Variants in MGAT4C observed in about 807,000 individuals in gnomAD.
MGAT4C encodes the protein MGAT4 family member C.
In MGAT4C, 19 loss-of-function variants were observed where a neutral mutation model predicts 40.1. The ratio of observed to expected loss-of-function variants is 0.47; its 90% CI spans 0.33 to 0.70. The LOEUF (loss-of-function observed/expected upper bound fraction) is 0.70. MGAT4C is among the 30% of genes least tolerant of loss of function. MGAT4C has a pLI of 0.02. For missense variants in MGAT4C, 491 were observed against 563.2 expected (o/e 0.87, Z 1.30); for synonymous variants, 181 against 187.1 (o/e 0.97, Z 0.27).
chr12:86,311,373 G>A (rs1040068075), intron 4 of MGAT4C, among the ~76,000 whole-genome samples: 5 of 152,150 alleles, frequency 3.3e-5, no homozygotes, highest in African/African-American at 1.2e-4. Context: ...ATAATCTTAC[G>A]GGGTCACCGG....
In MGAT4C at chr12:85,977,798, ACAC is replaced by A. The variant is rs1286971124; in HGVS notation, c.*1488_*1490del. ...CTAGCCTTCACACACACACACACAC[ACAC>A]ACACACACACACACACACACACACA... On this transcript the variant is annotated 3_prime_UTR_variant, in exon 5 of 5. Coordinates refer to ENST00000611864, the MANE Select transcript of MGAT4C (RefSeq NM_001351288.2). The A allele has an allele frequency of 4.2e-5, 5 of 120,008 alleles. No homozygotes were observed. The East Asian group carries it at 9.8e-4, about 24-fold the overall frequency. 7.4% of individuals were successfully genotyped at this position (120,008 alleles called of 1,614,324 possible).
chr12:86,312,449 C>CA (rs1422609678), intron 4 of MGAT4C, among the ~76,000 whole-genome samples: 3 of 152,194 alleles, frequency 2.0e-5, no homozygotes, highest in Non-Finnish European at 4.4e-5. Flanking sequence ...GTGATGTACT[C>CA]AGACAGATCA....
At chr12:86,672,455 G>T (rs2136565283) in intron 2 of MGAT4C, among the ~76,000 whole-genome samples, 1 of 151,992 alleles carries the variant, frequency 6.6e-6, no homozygotes. Flanking sequence ...AAATTGAAGT[G>T]AAGAAAACAA....
At chr12:86,361,263 T>G (rs889921157) in intron 3 of MGAT4C, among the ~76,000 whole-genome samples, 37 of 152,174 alleles carry the variant, frequency 2.4e-4, no homozygotes, top group Admixed American at 5.9e-4. Context: ...TAAATGGTGC[T>G]GGGAATACTG....
intron 2 of MGAT4C, among the ~76,000 whole-genome samples, chr12:86,631,678 G>T (rs377053428): frequency 2.0e-5 from 3 of 151,998 alleles, no homozygotes; most frequent in Admixed American, 6.6e-5. Flanking sequence ...TTAATAAATG[G>T]TGCTGGGAAA....
intron 1 of MGAT4C, among the ~76,000 whole-genome samples, chr12:86,210,889 G>A (rs1433533946): frequency 2.6e-5 from 4 of 151,968 alleles, no homozygotes; most frequent in Non-Finnish European, 4.4e-5. Flanking sequence ...TCTTTGCTAG[G>A]CACTGGGGAT....
At chr12:86,213,630 T>C (rs1263054175) in intron 1 of MGAT4C, among the ~76,000 whole-genome samples, 1 of 152,158 alleles carries the variant, frequency 6.6e-6, no homozygotes, top group Non-Finnish European at 1.5e-5. Flanking sequence ...AAAAAAACAG[T>C]ATATCAATCT....
chr12:86,023,716 A>G (rs1249591963), intron 2 of MGAT4C, among the ~76,000 whole-genome samples: 1 of 151,326 alleles, frequency 6.6e-6, no homozygotes, highest in African/African-American at 2.4e-5. Context: ...CACTTGAAGC[A>G]GTAACTAGCT....
chr12:86,674,225 C>T, intron 2 of MGAT4C, among the ~76,000 whole-genome samples: 1 of 152,034 alleles, frequency 6.6e-6, no homozygotes, highest in South Asian at 2.1e-4. Flanking sequence ...TGTACTTTTT[C>T]AATGATCTAG....
At chr12:86,685,940 G>T (rs1247504794) in intron 2 of MGAT4C, among the ~76,000 whole-genome samples, 1 of 150,762 alleles carries the variant, frequency 6.6e-6, no homozygotes, top group Non-Finnish European at 1.5e-5. Flanking sequence ...TCAGCTCACT[G>T]CAAGCTCTGC....
chr12:86,376,676 T>TGTTA (rs1955827981), intron 3 of MGAT4C, among the ~76,000 whole-genome samples: 1 of 151,872 alleles, frequency 6.6e-6, no homozygotes, highest in South Asian at 2.1e-4. Context: ...TTAACAAAAA[T>TGTTA]CATCATTAAC....
intron 2 of MGAT4C, among the ~76,000 whole-genome samples, chr12:86,027,046 A>G (rs1035965852): frequency 1.3e-5 from 2 of 152,014 alleles, no homozygotes; most frequent in Non-Finnish European, 2.9e-5. Context: ...CACATTCTAA[A>G]AGGAAAAATA....
chr12:86,223,364 G>A (rs576350454), intron 1 of MGAT4C, among the ~76,000 whole-genome samples: 198 of 152,326 alleles, frequency 1.3e-3, no homozygotes, highest in African/African-American at 4.5e-3. Flanking sequence ...TGGGGCTAGT[G>A]CAGATGCTGC....
intron 2 of MGAT4C, among the ~76,000 whole-genome samples, chr12:86,556,743 C>A (rs1297390700): frequency 6.6e-6 from 1 of 152,122 alleles, no homozygotes; most frequent in Non-Finnish European, 1.5e-5. Flanking sequence ...TAAGTCACTG[C>A]ATGTACTAGA....
chr12:86,239,111 A>G (rs1951669686), intron 1 of MGAT4C, among the ~76,000 whole-genome samples: 2 of 152,048 alleles, frequency 1.3e-5, no homozygotes, highest in Admixed American at 1.3e-4. Flanking sequence ...CTTTTAGGAA[A>G]TGTGTAATAG....
chr12:86,273,995 C>T (rs1048618954), intron 4 of MGAT4C, among the ~76,000 whole-genome samples: 1 of 152,098 alleles, frequency 6.6e-6, no homozygotes, highest in Non-Finnish European at 1.5e-5. Context: ...GTACAAAGAG[C>T]GTAATGCTGG....
intron 3 of MGAT4C, among the ~76,000 whole-genome samples, chr12:86,370,265 G>A (rs78183256): frequency 0.019 from 2,849 of 152,090 alleles, 34 homozygotes; most frequent in Non-Finnish European, 0.029. Flanking sequence ...GAAAAATAGA[G>A]TATTTTATTC....
At chr12:86,543,382 A>C (rs1959177851) in intron 2 of MGAT4C, among the ~76,000 whole-genome samples, 1 of 151,746 alleles carries the variant, frequency 6.6e-6, no homozygotes, top group South Asian at 2.1e-4. Flanking sequence ...ATTAACACCC[A>C]GAAAGGACAG....
chr12:86,391,785 G>A (rs1042334498), intron 3 of MGAT4C, among the ~76,000 whole-genome samples: 16 of 152,130 alleles, frequency 1.1e-4, no homozygotes, highest in Admixed American at 2.0e-4. Flanking sequence ...GTGTGAACCC[G>A]GGAGGCGGAG....
Sources: gnomAD v4.1 joint callset for allele counts (sites outside exome capture counted in the v4.1 genomes callset) on GRCh38, gnomAD v4.1.1 for gene constraint, MANE v1.5 for transcripts, NCBI Gene and HGNC (gene_info 2026-07-23, HGNC 2026-07-21) for gene names.